Variants in GRM8 observed in about 807,000 individuals in gnomAD.
The protein encoded by GRM8 is glutamate metabotropic receptor 8.
In GRM8, 47 loss-of-function variants were observed where a neutral mutation model predicts 87.2. That is an observed-to-expected ratio of 0.54 (90% CI 0.43 to 0.69). The LOEUF (loss-of-function observed/expected upper bound fraction) is 0.69. GRM8 is among the 30% of genes least tolerant of loss of function. The pLI is 0.00. For synonymous variants in GRM8, 396 were observed against 404.5 expected (o/e 0.98, Z 0.25); for missense variants, 1,019 against 1,139.2 (o/e 0.89, Z 1.52).
chr7:126,449,880 C>A (rs1241760440), intron 9 of GRM8, among the ~76,000 whole-genome samples: 1 of 151,808 alleles, frequency 6.6e-6, no homozygotes, highest in Admixed American at 6.6e-5. Flanking sequence ...AATACTAACA[C>A]CCAGAGGATG....
chr7:126,908,462 A>C (rs1802938114), intron 3 of GRM8, among the ~76,000 whole-genome samples: 1 of 152,220 alleles, frequency 6.6e-6, no homozygotes, highest in Admixed American at 6.5e-5. Flanking sequence ...GCTGTTTCAA[A>C]AGATGACTGC....
intron 3 of GRM8, among the ~76,000 whole-genome samples, chr7:127,066,140 T>C (rs1444421946): frequency 6.6e-6 from 1 of 152,236 alleles, no homozygotes; most frequent in African/African-American, 2.4e-5. Flanking sequence ...AGAAACCTTA[T>C]GTCATTTATC....
At chr7:127,164,946 T>C (rs113313614) in intron 2 of GRM8, among the ~76,000 whole-genome samples, 3,117 of 151,750 alleles carry the variant, frequency 0.021, 104 homozygotes, top group African/African-American at 0.072. Context: ...TATATCAGTA[T>C]TGAATGAGTC....
chr7:126,744,431 TCCA>T (rs1815400238), intron 7 of GRM8, among the ~76,000 whole-genome samples: 1 of 152,060 alleles, frequency 6.6e-6, no homozygotes, highest in Non-Finnish European at 1.5e-5. Flanking sequence ...TCAAATCAAG[TCCA>T]GGTTTTCTGA....
intron 8 of GRM8, among the ~76,000 whole-genome samples, chr7:126,545,051 T>C (rs537017595): frequency 3.3e-5 from 5 of 152,328 alleles, no homozygotes; most frequent in African/African-American, 7.2e-5. Context: ...GTTTCTGATA[T>C]TTGTTACATG....
intron 7 of GRM8, among the ~76,000 whole-genome samples, chr7:126,624,381 T>A (rs570678123): frequency 6.6e-6 from 1 of 152,330 alleles, no homozygotes; most frequent in Non-Finnish European, 1.5e-5. Flanking sequence ...CTTGATCTTC[T>A]GACTGGCTTC....
chr7:126,944,896 A>G (rs934036498), intron 3 of GRM8, among the ~76,000 whole-genome samples: 2 of 152,348 alleles, frequency 1.3e-5, no homozygotes, highest in African/African-American at 2.4e-5. Flanking sequence ...CTTCAATAAT[A>G]ATCAGAGAAA....
chr7:126,866,531 C>A (rs368457733), intron 6 of GRM8, among the ~76,000 whole-genome samples: 3 of 141,694 alleles, frequency 2.1e-5, no homozygotes, highest in East Asian at 2.1e-4. Context: ...TTCCTAAGAG[C>A]TTTATGGCTC....
chr7:126,913,477 T>G (rs968441584), intron 3 of GRM8, among the ~76,000 whole-genome samples: 1 of 152,194 alleles, frequency 6.6e-6, no homozygotes, highest in Non-Finnish European at 1.5e-5. Context: ...CATCTTTTGA[T>G]CTAATAAAAA....
intron 3 of GRM8, among the ~76,000 whole-genome samples, chr7:126,912,928 A>G (rs1803470124): frequency 1.3e-5 from 2 of 152,254 alleles, no homozygotes; most frequent in South Asian, 4.1e-4. Context: ...TACAAATGAT[A>G]GAAAACTGGA....
chr7:127,011,575 C>A (rs537901997), intron 3 of GRM8, among the ~76,000 whole-genome samples: 1 of 152,032 alleles, frequency 6.6e-6, no homozygotes, highest in Non-Finnish European at 1.5e-5. Context: ...AAGACAAAAC[C>A]TATTGTGTTC....
chr7:127,047,895 A>G (rs1819097071), intron 3 of GRM8, among the ~76,000 whole-genome samples: 1 of 152,194 alleles, frequency 6.6e-6, no homozygotes, highest in Non-Finnish European at 1.5e-5. Flanking sequence ...TAAACAATAA[A>G]ACTGTCCAAC....
chr7:126,951,722 T>C (rs1417658680), intron 3 of GRM8, among the ~76,000 whole-genome samples: 1 of 151,938 alleles, frequency 6.6e-6, no homozygotes, highest in Non-Finnish European at 1.5e-5. Context: ...AAACATATCA[T>C]GGAAAATAAG....
chr7:127,049,270 A>AAT (rs1819233015), intron 3 of GRM8, among the ~76,000 whole-genome samples: 1 of 152,132 alleles, frequency 6.6e-6, no homozygotes, highest in African/African-American at 2.4e-5. Flanking sequence ...CAAGAATGAT[A>AAT]ATATATATGG....
At chr7:127,181,434 T>A (rs922681733) in intron 2 of GRM8, among the ~76,000 whole-genome samples, 1 of 151,934 alleles carries the variant, frequency 6.6e-6, no homozygotes, top group Non-Finnish European at 1.5e-5. Flanking sequence ...AAGCAATCTA[T>A]ACATTCAACA....
At chr7:126,559,490 A>G (rs566057056) in intron 8 of GRM8, among the ~76,000 whole-genome samples, 10 of 152,236 alleles carry the variant, frequency 6.6e-5, no homozygotes, top group African/African-American at 2.4e-4. Context: ...GGTAATTTTG[A>G]CACTAGTTGG....
intron 8 of GRM8, among the ~76,000 whole-genome samples, chr7:126,549,080 A>G (rs563047692): frequency 1.8e-3 from 272 of 152,268 alleles, no homozygotes; most frequent in African/African-American, 6.2e-3. Flanking sequence ...ATTAATGTAG[A>G]AACCACATAA....
chr7:127,036,343 T>G (rs1817841310), intron 3 of GRM8, among the ~76,000 whole-genome samples: 1 of 152,138 alleles, frequency 6.6e-6, no homozygotes, highest in Non-Finnish European at 1.5e-5. Flanking sequence ...ACTCTTCAGT[T>G]TTCCTGCAAG....
chr7:127,201,957 T>C (rs564679478), intron 2 of GRM8, among the ~76,000 whole-genome samples: 5 of 152,342 alleles, frequency 3.3e-5, no homozygotes, highest in African/African-American at 4.8e-5. Context: ...TACCCACCTA[T>C]GAACCATTGG....
Sources: gnomAD v4.1 joint callset for allele counts (sites outside exome capture counted in the v4.1 genomes callset) on GRCh38, gnomAD v4.1.1 for gene constraint, MANE v1.5 for transcripts, NCBI Gene and HGNC (gene_info 2026-07-23, HGNC 2026-07-21) for gene names.